The following RNF6 variants were observed in gnomAD, a reference collection of about 807,000 sequenced individuals.
The protein encoded by RNF6 is E3 ubiquitin-protein ligase RNF6.
In RNF6, 21 loss-of-function variants were observed where a neutral mutation model predicts 50.1. The ratio of observed to expected loss-of-function variants is 0.42; its 90% CI spans 0.30 to 0.60. RNF6 has a LOEUF of 0.60. Among genes scored for constraint, RNF6 ranks in the 20% least tolerant of loss-of-function variants. The probability of loss-of-function intolerance (pLI) is 0.20; values close to 1 mark genes in which losing one functional copy is unlikely to be tolerated. For missense variants in RNF6, 698 were observed against 838.2 expected (o/e 0.83, Z 2.07); for synonymous variants, 255 against 291.8 (o/e 0.87, Z 1.29).
intron 5 of RNF6, among the ~76,000 whole-genome samples, chr13:26,144,171 A>G (rs1871109383): frequency 6.6e-6 from 1 of 152,096 alleles, no homozygotes; most frequent in African/African-American, 2.4e-5. Context: ...AACCATGGAC[A>G]GTGGAAGTCC....
At chr13:26,206,312 G>A (rs1165998830) in intron 5 of RNF6, among the ~76,000 whole-genome samples, 1 of 152,128 alleles carries the variant, frequency 6.6e-6, no homozygotes, top group Admixed American at 6.5e-5. Flanking sequence ...TGCCTGGCAG[G>A]GTGGCACGAG....
intron 5 of RNF6, among the ~76,000 whole-genome samples, chr13:26,197,312 C>A (rs1214852356): frequency 2.0e-5 from 3 of 151,944 alleles, no homozygotes; most frequent in African/African-American, 7.3e-5. Context: ...AAGCTTACAA[C>A]TACAAATCTT....
chr13:26,180,438 G>A (rs188173791), intron 5 of RNF6, among the ~76,000 whole-genome samples: 31 of 152,220 alleles, frequency 2.0e-4, no homozygotes, highest in African/African-American at 5.5e-4. Flanking sequence ...AGGGTGACAG[G>A]TACTCTGCAG....
intron 5 of RNF6, among the ~76,000 whole-genome samples, chr13:26,146,055 T>C (rs1445365753): frequency 6.6e-6 from 1 of 152,172 alleles, no homozygotes; most frequent in Non-Finnish European, 1.5e-5. Context: ...ACATTTTGGG[T>C]CATCTGGAAT....
chr13:26,193,046 G>A (rs7982836), intron 5 of RNF6, among the ~76,000 whole-genome samples: 70,859 of 152,066 alleles, frequency 0.47, 19,673 homozygotes, highest in East Asian at 0.69. Flanking sequence ...GGGAAAACTG[G>A]GTTAGGGGAA....
intron 5 of RNF6, among the ~76,000 whole-genome samples, chr13:26,190,030 G>T (rs567454173): frequency 6.6e-6 from 1 of 152,300 alleles, no homozygotes; most frequent in African/African-American, 2.4e-5. Context: ...GTCTCACGGG[G>T]CTAAAATCAA....
intron 5 of RNF6, among the ~76,000 whole-genome samples, chr13:26,193,978 G>C (rs1474693120): frequency 6.6e-6 from 1 of 152,054 alleles, no homozygotes; most frequent in Non-Finnish European, 1.5e-5. Context: ...GAATAAGAAC[G>C]GAACAGAAAG....
chr13:26,159,421 G>C (rs183913172), intron 5 of RNF6, among the ~76,000 whole-genome samples: 1 of 152,098 alleles, frequency 6.6e-6, no homozygotes, highest in South Asian at 2.1e-4. Context: ...TCAGCAGATC[G>C]AGACCATCCT....
intron 5 of RNF6, among the ~76,000 whole-genome samples, chr13:26,198,168 GAA>G (rs1868752655): frequency 6.6e-6 from 1 of 151,244 alleles, no homozygotes; most frequent in Non-Finnish European, 1.5e-5. Flanking sequence ...ATATGAGAGA[GAA>G]ATATTCATTT....
chr13:26,141,993 T>C (rs1870978369), intron 5 of RNF6, among the ~76,000 whole-genome samples: 1 of 152,070 alleles, frequency 6.6e-6, no homozygotes, highest in South Asian at 2.1e-4. Flanking sequence ...AAAGGACCAA[T>C]ATCCAGAATC....
At chr13:26,218,656 G>C (rs1389249385) in intron 3 of RNF6, 50 bp from the exon 4 acceptor site, 7 of 1,407,466 alleles carry the variant, frequency 5.0e-6, no homozygotes, top group Non-Finnish European at 7.0e-6. Flanking sequence ...TAAGTTTTAT[G>C]AGACCTCATG....
intron 5 of RNF6, among the ~76,000 whole-genome samples, chr13:26,198,113 T>C (rs1868745745): frequency 3.4e-5 from 2 of 59,256 alleles, no homozygotes; most frequent in African/African-American, 1.2e-4. Flanking sequence ...TACGAAAGTA[T>C]ATGTGTGTGT....
chr13:26,168,384 A>G (rs1443902172), intron 5 of RNF6, among the ~76,000 whole-genome samples: 5 of 152,228 alleles, frequency 3.3e-5, no homozygotes, highest in Non-Finnish European at 7.3e-5. Flanking sequence ...GATAGTGCAC[A>G]TGAAAATTTA....
intron 5 of RNF6, among the ~76,000 whole-genome samples, chr13:26,189,539 A>G (rs935476692): frequency 3.9e-5 from 6 of 152,228 alleles, no homozygotes; most frequent in Non-Finnish European, 5.9e-5. Context: ...AAGGGAAACT[A>G]TTCTCATTTA....
chr13:26,217,405 C>T (rs1351884311), intron 4 of RNF6, among the ~76,000 whole-genome samples: 1 of 152,226 alleles, frequency 6.6e-6, no homozygotes, highest in East Asian at 1.9e-4. Context: ...CTACCCTACT[C>T]TTCTTCCATT....
chr13:26,200,780 A>C (rs1868869130), intron 5 of RNF6, among the ~76,000 whole-genome samples: 2 of 152,182 alleles, frequency 1.3e-5, no homozygotes, highest in Non-Finnish European at 2.9e-5. Context: ...GGATAGTGTG[A>C]GCAGAGGAGA....
intron 5 of RNF6, among the ~76,000 whole-genome samples, chr13:26,153,744 T>C (rs1462887924): frequency 6.6e-6 from 1 of 152,172 alleles, no homozygotes; most frequent in Non-Finnish European, 1.5e-5. Flanking sequence ...AATTTTTTAT[T>C]TCAAAATATA....
rs1292888852 is a variant in RNF6 at position 26,215,286 on chromosome 13, C to T, written c.596G>A (p.Ser199Asn). Residue 199 changes from serine (S) to asparagine (N), a missense_variant, in exon 5 of 5, where the codon AGC becomes AAC. Physicochemically the swap from Ser to Asn is conservative, Grantham distance 46. Coordinates refer to ENST00000381588, the MANE Select transcript of RNF6 (RefSeq NM_005977.4). ...STSPVARRTRSQTSVNFNGSS... is the reference protein window; with the variant it reads ...STSPVARRTRNQTSVNFNGSS... The stretch of plus-strand genomic sequence containing the variant: ...ACCATTGAAATTCACTGAGGTTTGG[C>T]TTCTTGTTCGCCTAGCCACAGGACT... 2 of 1,614,218 alleles carry T rather than the reference C, an allele frequency of 1.2e-6. No individual in the cohort carries two copies. Among genetic ancestry groups the T allele is most frequent in the Non-Finnish European group, 1.7e-6 (2 of 1,180,044 alleles).
intron 5 of RNF6, among the ~76,000 whole-genome samples, chr13:26,149,526 G>A (rs1229468642): frequency 2.6e-5 from 4 of 151,906 alleles, no homozygotes; most frequent in East Asian, 1.9e-4. Flanking sequence ...GGCGGAGCTT[G>A]CAGTGAGCCG....
Sources: gnomAD v4.1 joint callset for allele counts (sites outside exome capture counted in the v4.1 genomes callset) on GRCh38, gnomAD v4.1.1 for gene constraint, MANE v1.5 for transcripts, NCBI Gene and HGNC (gene_info 2026-07-23, HGNC 2026-07-21) for gene names.